Variants in BICC1 observed in about 807,000 individuals in gnomAD.
BICC1 encodes BicC family RNA binding protein 1.
In BICC1, 43 loss-of-function variants were observed where a neutral mutation model predicts 111.0. The ratio of observed to expected loss-of-function variants is 0.39; its 90% CI spans 0.30 to 0.50. The LOEUF is 0.50. BICC1 is among the 20% of genes least tolerant of loss of function. The pLI is 0.88. For synonymous variants in BICC1, 467 were observed against 434.4 expected, an observed-to-expected ratio of 1.07 and a Z score of -0.93; for missense variants, 1,091 against 1,203.2, an observed-to-expected ratio of 0.91 and a Z score of 1.38.
At chr10:58,517,356 A>G (rs1169937313) in intron 1 of BICC1, among the ~76,000 whole-genome samples, 2 of 152,194 alleles carry the variant, frequency 1.3e-5, no homozygotes, top group African/African-American at 2.4e-5. Flanking sequence ...TAGCCACTGA[A>G]ACAGAGGTTG....
chr10:58,704,342 A>G (rs995713933), intron 3 of BICC1, among the ~76,000 whole-genome samples: 3 of 152,206 alleles, frequency 2.0e-5, no homozygotes, highest in African/African-American at 7.2e-5. Context: ...AAGGGAGAGA[A>G]TCAGAAGTTT....
At chr10:58,661,456 A>C (rs1227960107) in intron 2 of BICC1, among the ~76,000 whole-genome samples, 1 of 152,196 alleles carries the variant, frequency 6.6e-6, no homozygotes, top group East Asian at 1.9e-4. Flanking sequence ...ACCTGATTAT[A>C]GTCAAAAGAA....
rs924811149 is a variant in BICC1 at position 58,722,748 on chromosome 10, A to G, written c.307+20605A>G. Among the ~76,000 whole-genome samples, 5 of 152,348 alleles carry G rather than the reference A, an allele frequency of 3.3e-5. No individual in the cohort carries two copies. The South Asian group carries it at 8.3e-4, about 25-fold the overall frequency. ...GAAAGAAGATGGTAATAGATAGGGT[A>G]GTTTCTTGGTGCATCAGTGGGTTGA... On this transcript the variant is annotated intron_variant, in intron 3 of 20. Coordinates refer to ENST00000373886, the MANE Select transcript of BICC1 (RefSeq NM_001080512.3).
intron 1 of BICC1, among the ~76,000 whole-genome samples, chr10:58,517,791 A>G (rs1247183319): frequency 3.3e-5 from 5 of 152,216 alleles, no homozygotes; most frequent in East Asian, 1.9e-4. Flanking sequence ...AGTTTTGAAA[A>G]TGAAGAGGAA....
At chr10:58,643,644 T>C (rs1824438995) in intron 2 of BICC1, among the ~76,000 whole-genome samples, 1 of 152,166 alleles carries the variant, frequency 6.6e-6, no homozygotes, top group Non-Finnish European at 1.5e-5. Context: ...GAAGAGGAAA[T>C]TGTTGTGAAG....
chr10:58,764,533 G>A (rs1213392433), intron 3 of BICC1, among the ~76,000 whole-genome samples: 1 of 151,898 alleles, frequency 6.6e-6, no homozygotes, highest in Non-Finnish European at 1.5e-5. Flanking sequence ...TGTATGTGCT[G>A]ACATAACAGA....
chr10:58,604,915 G>A (rs1269313953), intron 1 of BICC1, among the ~76,000 whole-genome samples: 3 of 152,130 alleles, frequency 2.0e-5, no homozygotes, highest in African/African-American at 7.2e-5. Flanking sequence ...CAGAGACAGT[G>A]CCTTCTATTT....
chr10:58,680,390 A>G (rs1373452671), intron 2 of BICC1, among the ~76,000 whole-genome samples: 5 of 152,102 alleles, frequency 3.3e-5, no homozygotes, highest in Non-Finnish European at 7.4e-5. Flanking sequence ...CGCCAATAAC[A>G]GACAGCCAAA....
intron 2 of BICC1, among the ~76,000 whole-genome samples, chr10:58,657,375 T>C (rs906806727): frequency 3.9e-5 from 6 of 152,226 alleles, no homozygotes; most frequent in Non-Finnish European, 7.4e-5. Flanking sequence ...GATTGCTGTT[T>C]TTGCTTTTTT....
chr10:58,530,883 A>G (rs556871155), intron 1 of BICC1, among the ~76,000 whole-genome samples: 1 of 151,970 alleles, frequency 6.6e-6, no homozygotes, highest in East Asian at 1.9e-4. Flanking sequence ...CTACCCCTAC[A>G]GAAATACTGA....
chr10:58,659,659 G>T (rs941218100), intron 2 of BICC1, among the ~76,000 whole-genome samples: 2 of 152,054 alleles, frequency 1.3e-5, no homozygotes, highest in African/African-American at 4.8e-5. Flanking sequence ...GAACGCGCAT[G>T]ACACACAGTT....
At chr10:58,725,215 T>C (rs769628807) in intron 3 of BICC1, among the ~76,000 whole-genome samples, 6 of 152,174 alleles carry the variant, frequency 3.9e-5, no homozygotes, top group Non-Finnish European at 8.8e-5. Flanking sequence ...GTTGCAAATA[T>C]CGATCATGCA....
At chr10:58,743,777 C>T (rs199611706) in intron 3 of BICC1, among the ~76,000 whole-genome samples, 47 of 143,670 alleles carry the variant, frequency 3.3e-4, no homozygotes, top group South Asian at 6.6e-4. Flanking sequence ...GTTTTCTTTT[C>T]TTTTTTTTTT....
intron 1 of BICC1, among the ~76,000 whole-genome samples, chr10:58,593,546 C>T (rs975355436): frequency 6.6e-6 from 1 of 152,110 alleles, no homozygotes; most frequent in African/African-American, 2.4e-5. Flanking sequence ...GAGGAAAGAT[C>T]AAGCAGCAAT....
chr10:58,823,857 TTC>T, intron 20 of BICC1: 3 of 985,214 alleles, frequency 3.0e-6, no homozygotes, highest in Non-Finnish European at 2.4e-6. Flanking sequence ...ATATATTCAA[TTC>T]TGTCTTGATT....
At chr10:58,806,452 A>G in intron 15 of BICC1, 132 bp from the exon 16 acceptor site, 1 of 741,900 alleles carries the variant, frequency 1.3e-6, no homozygotes, top group Non-Finnish European at 2.4e-6. Context: ...CTGTGGCATT[A>G]TTGTGCAAAG....
intron 19 of BICC1, among the ~76,000 whole-genome samples, chr10:58,818,306 A>G (rs928232041): frequency 6.6e-6 from 1 of 152,146 alleles, no homozygotes; most frequent in Admixed American, 6.6e-5. Flanking sequence ...GATTAGCCAT[A>G]TCCTATTATG....
intron 2 of BICC1, among the ~76,000 whole-genome samples, chr10:58,680,085 G>A (rs1279798786): frequency 6.6e-6 from 1 of 152,124 alleles, no homozygotes; most frequent in Admixed American, 6.6e-5. Flanking sequence ...ATATCATACT[G>A]AATGGGCATT....
At chr10:58,674,624 ATAGAG>A (rs1334345261) in intron 2 of BICC1, among the ~76,000 whole-genome samples, 1 of 152,152 alleles carries the variant, frequency 6.6e-6, no homozygotes, top group African/African-American at 2.4e-5. Context: ...ACCAATTCAA[ATAGAG>A]TAGTAATACA....
Sources: allele counts gnomAD v4.1 joint callset (sites outside exome capture counted in the v4.1 genomes callset), GRCh38; gene constraint gnomAD v4.1.1; transcripts MANE v1.5; gene names NCBI Gene and HGNC (gene_info 2026-07-23, HGNC 2026-07-21).